Variants in PPFIBP2 observed in about 807,000 individuals in gnomAD.
PPFIBP2 encodes the protein liprin-beta-2.
PPFIBP2 carries 118 observed loss-of-function variants against 118.3 expected under a neutral mutation model. That is an observed-to-expected ratio of 1.00 (90% CI 0.86 to 1.16). The LOEUF (loss-of-function observed/expected upper bound fraction) is 1.16. PPFIBP2 is among the 50% of genes most tolerant of loss of function. The pLI, the probability that PPFIBP2 is intolerant of heterozygous loss-of-function variation, is 0.00. For synonymous variants in PPFIBP2, 414 were observed against 397.4 expected (o/e 1.04, Z -0.50); for missense variants, 1,195 against 1,073.1 (o/e 1.11, Z -1.59).
chr11:7,576,401 C>G (rs1856325010), intron 3 of PPFIBP2: 1 of 152,432 alleles, frequency 6.6e-6, no homozygotes, highest in Non-Finnish European at 1.5e-5. Flanking sequence ...GGGGAGCTCT[C>G]AAAGGAGATG....
At chr11:7,656,912 G>A, downstream of PPFIBP2, 1 of 747,330 alleles carries the variant, frequency 1.3e-6, no homozygotes, top group Non-Finnish European at 2.0e-6. Flanking sequence ...CTGGCAGGGT[G>A]TCTCAGACAG....
At chr11:7,639,665 C>G in intron 14 of PPFIBP2, 67 bp from the exon 15 acceptor site, 3 of 1,603,470 alleles carry the variant, frequency 1.9e-6, no homozygotes, top group Non-Finnish European at 2.6e-6. Flanking sequence ...TGTTCTGTAT[C>G]CAAGGATTTC....
chr11:7,566,962 G>T (rs1855067345), intron 3 of PPFIBP2, among the ~76,000 whole-genome samples: 1 of 152,138 alleles, frequency 6.6e-6, no homozygotes. Flanking sequence ...TTTTCTATTA[G>T]GATTTTAGTG....
At chr11:7,521,129 C>T (rs1302857947) in intron 1 of PPFIBP2, among the ~76,000 whole-genome samples, 1 of 152,174 alleles carries the variant, frequency 6.6e-6, no homozygotes, top group Non-Finnish European at 1.5e-5. Context: ...CTTGGTTCTC[C>T]CTGGTTATTC....
intron 3 of PPFIBP2, among the ~76,000 whole-genome samples, chr11:7,591,643 A>G (rs569529413): frequency 2.0e-5 from 3 of 152,306 alleles, no homozygotes; most frequent in South Asian, 4.1e-4. Flanking sequence ...AAGAGCTTCC[A>G]TAACAATGAA....
intron 17 of PPFIBP2, among the ~76,000 whole-genome samples, chr11:7,644,674 T>C (rs1050090238): frequency 1.4e-4 from 21 of 152,212 alleles, no homozygotes; most frequent in East Asian, 9.7e-4. Flanking sequence ...CCTTCCAGGG[T>C]CCAGAGAAAG....
Position 7,593,237 on chromosome 11 carries a change from T to G in PPFIBP2, c.372+13T>G. The G allele has an allele frequency of 6.2e-7, 1 of 1,613,398 alleles. No homozygotes were observed. Among genetic ancestry groups the G allele is most frequent in the South Asian group, 1.1e-5 (1 of 90,966 alleles). Reference sequence around the variant, plus strand: ...CCTCATATTGCAGGTGGGTACTTTTTGGTGAGAATCGGCTTATCCTGTTAC... The same window carrying G: ...CCTCATATTGCAGGTGGGTACTTTTGGGTGAGAATCGGCTTATCCTGTTAC... On this transcript the variant is annotated intron_variant, in intron 4 of 23. Transcript: ENST00000299492.
At chr11:7,570,635 T>C (rs1422286304) in intron 3 of PPFIBP2, among the ~76,000 whole-genome samples, 1 of 152,164 alleles carries the variant, frequency 6.6e-6, no homozygotes, top group African/African-American at 2.4e-5. Flanking sequence ...CTGGGGTACA[T>C]GGAGTAGGCT....
intron 3 of PPFIBP2, among the ~76,000 whole-genome samples, chr11:7,568,458 T>C (rs1032055040): frequency 6.6e-6 from 1 of 152,094 alleles, no homozygotes; most frequent in Non-Finnish European, 1.5e-5. Context: ...CTTTAGTATG[T>C]TTTTGTTGTT....
In PPFIBP2 at chr11:7,565,484, G is replaced by A. The variant is rs556913663; in HGVS notation, c.65-69G>A. The A allele has an allele frequency of 3.3e-6, 5 of 1,513,184 alleles. No homozygotes were observed. In the East Asian group the frequency reaches 1.1e-4, roughly 34 times the overall value. 93.7% of individuals were successfully genotyped at this position (1,513,184 alleles called of 1,614,324 possible). Reference sequence around the variant, plus strand: ...CTTTCACCGTTTCTTCACCACCTTTGCTCTTTACTAGTACCTTGCTCAGGG... The same window carrying A: ...CTTTCACCGTTTCTTCACCACCTTTACTCTTTACTAGTACCTTGCTCAGGG... On this transcript the variant is annotated intron_variant, in intron 2 of 23. Coordinates refer to ENST00000299492, the MANE Select transcript of PPFIBP2 (RefSeq NM_003621.5).
At chr11:7,632,663 G>A (rs1045871730) in intron 11 of PPFIBP2, 3 of 508,028 alleles carry the variant, frequency 5.9e-6, no homozygotes, top group Non-Finnish European at 1.1e-5. Context: ...AGGAAGGAGA[G>A]GCAAGCTGGC....
intron 11 of PPFIBP2, 113 bp from the exon 12 acceptor site, chr11:7,632,754 G>T: frequency 2.5e-6 from 2 of 785,918 alleles, no homozygotes; most frequent in Non-Finnish European, 4.4e-6. Flanking sequence ...CACCATGGCT[G>T]CACCCAGGGA....
downstream of PPFIBP2, chr11:7,657,058 C>T (rs973115443): frequency 1.3e-5 from 4 of 305,334 alleles, no homozygotes; most frequent in Non-Finnish European, 2.6e-5. Flanking sequence ...GGACTGCAGA[C>T]CACTTTGTGG....
rs188971986 is a variant in PPFIBP2 at position 7,586,736 on chromosome 11, T to C, written c.280-6396T>C. On this transcript the variant is annotated intron_variant, in intron 3 of 23. Coordinates refer to ENST00000299492, the MANE Select transcript of PPFIBP2 (RefSeq NM_003621.5). ...TTGGGGAGGAGGATGCAATAGGAATTCTGTAAATGAATATGGAAGCACCAC... is the reference window on the plus strand; with the variant it reads ...TTGGGGAGGAGGATGCAATAGGAATCCTGTAAATGAATATGGAAGCACCAC... 4.6e-5 allele frequency among the ~76,000 whole-genome samples: 7 copies of C among 152,266 alleles called. No individual in the cohort carries two copies. The East Asian group carries it at 1.3e-3, about 29-fold the overall frequency.
intron 3 of PPFIBP2, chr11:7,569,109 G>A (rs1402327609): frequency 6.6e-6 from 1 of 152,232 alleles, no homozygotes; most frequent in Non-Finnish European, 1.5e-5. Context: ...GTTAGAATAG[G>A]ACAAATAGCA....
At chr11:7,610,519 G>A in intron 6 of PPFIBP2, 97 bp downstream of exon 6, 8 of 1,514,240 alleles carry the variant, frequency 5.3e-6, no homozygotes, top group Middle Eastern at 4.7e-4. Context: ...GGAAGCTATT[G>A]GGTGCCAGAA....
At chr11:7,583,168 T>C (rs1857528485) in intron 3 of PPFIBP2, among the ~76,000 whole-genome samples, 1 of 152,212 alleles carries the variant, frequency 6.6e-6, no homozygotes, top group Non-Finnish European at 1.5e-5. Flanking sequence ...CCTTCTGTAA[T>C]GTTATTTTTG....
At chr11:7,624,497 G>C (rs939096652) in intron 7 of PPFIBP2, among the ~76,000 whole-genome samples, 14 of 152,188 alleles carry the variant, frequency 9.2e-5, no homozygotes, top group African/African-American at 3.4e-4. Flanking sequence ...GGGTTGGTCA[G>C]ATATTAACTT....
chr11:7,597,117 C>T, intron 4 of PPFIBP2: 1 of 1,397,566 alleles, frequency 7.2e-7, no homozygotes, highest in Non-Finnish European at 9.4e-7. Context: ...GAGCAGTCCT[C>T]ACACCCTTAT....
Sources: gnomAD v4.1 joint callset for allele counts (sites outside exome capture counted in the v4.1 genomes callset) on GRCh38, gnomAD v4.1.1 for gene constraint, MANE v1.5 for transcripts, NCBI Gene and HGNC (gene_info 2026-07-23, HGNC 2026-07-21) for gene names.